Variants in TNFRSF8 observed in about 807,000 individuals in gnomAD.
TNFRSF8 encodes the protein TNF receptor superfamily member 8.
Under a neutral mutation model 70.8 loss-of-function variants are expected in TNFRSF8, and 26 were observed. The ratio of observed to expected loss-of-function variants is 0.37; its 90% confidence interval spans 0.27 to 0.51. The LOEUF is 0.51. Ranked by LOEUF, TNFRSF8 falls within the 20% of genes least tolerant of loss-of-function variation. The pLI is 0.94. For missense variants in TNFRSF8, 720 were observed against 807.9 expected (o/e 0.89, Z 1.32); for synonymous variants, 356 against 339.2 (o/e 1.05, Z -0.54).
chr1:12,063,497 C>T lies in TNFRSF8; in HGVS notation c.-102C>T. ...AGTGTGCTGGAGCCTGAAGTCCACG[C>T]GCGCGGCTGAGAACCGCCGGGACCG... On this transcript the variant is annotated 5_prime_UTR_variant, in exon 1 of 15. Transcript: ENST00000263932. This position sits in a 1 kb window ranked among gnomAD's most constrained non-coding sequence, Gnocchi z 7.2. The T allele has an allele frequency of 1.9e-6, 2 of 1,077,856 alleles. No homozygotes were observed. Among genetic ancestry groups the T allele is most frequent in the African/African-American group, 1.6e-5 (1 of 60,832 alleles). The allele number at this position is 1,077,856 out of a possible 1,614,324, so 66.8% of individuals were successfully genotyped here. A position where few individuals can be genotyped will look rare whatever the true frequency, so the allele number is the denominator to read the frequency against.
rs2230622 is a variant in TNFRSF8 at position 12,104,380 on chromosome 1, C to T, written c.270C>T (p.Asp90=). Residue 90 remains aspartate, a splice_region_variant and synonymous_variant, in exon 4 of 15, where the codon GAC becomes GAT. Coordinates refer to ENST00000263932, the MANE Select transcript of TNFRSF8 (RefSeq NM_001243.5). ...RCTACVTCSR[D]DLVEKTPCAW... ...GTGACCCCTGTCTGTGTCCCTTAGA[C>T]GACCTCGTGGAGAAGACGCCGTGTG... 0.25 allele frequency: 410,348 copies of T among 1,613,362 alleles called. 54,645 individuals are homozygous for T. The highest frequency in any genetic ancestry group is 0.39 in the Admixed American group (23,207 of 59,946).
In TNFRSF8 at chr1:12,138,770, G is replaced by A. The variant is rs766765619; in HGVS notation, c.1543+334G>A. Among the ~76,000 whole-genome samples the A allele has an allele frequency of 5.3e-5, 8 of 152,212 alleles. No individual in the cohort carries two copies. Among genetic ancestry groups the A allele is most frequent in the Non-Finnish European group, 7.3e-5 (5 of 68,032 alleles). Reference sequence around the variant, plus strand: ...TCACAGGACCTGCCACTTGTCTGGCGCATTCCGGGCACTGTGTAGGTGCCA... The same window carrying A: ...TCACAGGACCTGCCACTTGTCTGGCACATTCCGGGCACTGTGTAGGTGCCA... On this transcript the variant is annotated intron_variant, in intron 14 of 14. Coordinates refer to ENST00000263932, the MANE Select transcript of TNFRSF8 (RefSeq NM_001243.5). This position sits in a 1 kb window ranked among gnomAD's most constrained non-coding sequence, Gnocchi z 5.7.
chr1:12,080,338 C>A, intron 1 of TNFRSF8: 1 of 524,214 alleles, frequency 1.9e-6, no homozygotes, highest in South Asian at 1.4e-5. Flanking sequence ...CCGGCCGAAT[C>A]AGGGTGCTGA....
chr1:12,068,759 T>C (rs1395046557), intron 1 of TNFRSF8, among the ~76,000 whole-genome samples: 1 of 152,212 alleles, frequency 6.6e-6, no homozygotes, highest in African/African-American at 2.4e-5. Flanking sequence ...AGCCTCTGCC[T>C]GTATGCCCCC....
At chr1:12,087,112 TCC>T in intron 2 of TNFRSF8, among the ~76,000 whole-genome samples, 1 of 135,692 alleles carries the variant, frequency 7.4e-6, no homozygotes, top group South Asian at 2.5e-4. Flanking sequence ...CATCCATCCA[TCC>T]ATCCATCCAT....
chr1:12,078,910 A>G (rs556424493), intron 1 of TNFRSF8, among the ~76,000 whole-genome samples: 3 of 152,302 alleles, frequency 2.0e-5, no homozygotes, highest in Admixed American at 6.5e-5. Context: ...GCAGATTCCA[A>G]TTAGGGAGGT....
intron 1 of TNFRSF8, among the ~76,000 whole-genome samples, chr1:12,068,923 G>C (rs1281036271): frequency 1.3e-5 from 2 of 151,444 alleles, no homozygotes; most frequent in Non-Finnish European, 2.9e-5. Context: ...CCAGGCTGGA[G>C]TGTAGTGGTG....
chr1:12,114,692 ATCT>A (rs1315187823), intron 7 of TNFRSF8, among the ~76,000 whole-genome samples: 1 of 64,718 alleles, frequency 1.5e-5, no homozygotes, highest in East Asian at 4.2e-4. Flanking sequence ...AGGAAAAAAA[ATCT>A]TTTTTTTTTT....
chr1:12,072,779 G>A (rs1640870089), intron 1 of TNFRSF8, among the ~76,000 whole-genome samples: 1 of 152,210 alleles, frequency 6.6e-6, no homozygotes, highest in Non-Finnish European at 1.5e-5. Context: ...CCTCCACACA[G>A]TTTACTGAAA....
At chr1:12,085,678 G>T (rs1479333703) in intron 2 of TNFRSF8, among the ~76,000 whole-genome samples, 1 of 152,192 alleles carries the variant, frequency 6.6e-6, no homozygotes, top group South Asian at 2.1e-4. Context: ...CCCACCCCCA[G>T]CACCGTGATT....
At chr1:12,118,127 T>C (rs1463952995) in intron 8 of TNFRSF8, among the ~76,000 whole-genome samples, 2 of 152,090 alleles carry the variant, frequency 1.3e-5, no homozygotes, top group African/African-American at 4.8e-5. Flanking sequence ...CCTTTTCTTT[T>C]TGAGACAAAG....
intron 8 of TNFRSF8, 152 bp downstream of exon 8, chr1:12,115,881 T>A: frequency 1.3e-6 from 1 of 746,748 alleles, no homozygotes; most frequent in Non-Finnish European, 2.1e-6. Context: ...ATCCTTTGAG[T>A]AGTCAGACTC....
At chr1:12,128,294 G>A (rs756871950) in intron 12 of TNFRSF8, among the ~76,000 whole-genome samples, 7 of 152,346 alleles carry the variant, frequency 4.6e-5, no homozygotes, top group African/African-American at 1.2e-4. Context: ...GGGAGTGTGC[G>A]CCCCTTGGCC....
At chr1:12,130,771 G>C (rs1642033571) in intron 12 of TNFRSF8, among the ~76,000 whole-genome samples, 2 of 152,234 alleles carry the variant, frequency 1.3e-5, no homozygotes, top group South Asian at 4.1e-4. Context: ...TGTCCCTGGG[G>C]GTACCAGACA....
intron 1 of TNFRSF8, among the ~76,000 whole-genome samples, chr1:12,073,266 A>G (rs1000092118): frequency 6.6e-6 from 1 of 152,236 alleles, no homozygotes; most frequent in Non-Finnish European, 1.5e-5. Flanking sequence ...CTGTCTTAAA[A>G]ACAAACAAAC....
intron 1 of TNFRSF8, among the ~76,000 whole-genome samples, chr1:12,073,902 A>G (rs188625903): frequency 1.1e-4 from 17 of 151,820 alleles, no homozygotes; most frequent in Non-Finnish European, 2.9e-5. Flanking sequence ...AGCCCACTGC[A>G]TTTTTCTTTG....
At chr1:12,115,532 T>G (rs771123475) in intron 7 of TNFRSF8, 45 bp from the exon 8 acceptor site, 6 of 1,612,832 alleles carry the variant, frequency 3.7e-6, no homozygotes, top group Non-Finnish European at 5.1e-6. Context: ...CCCCCTGCCC[T>G]TGCCATACTG....
At chr1:12,131,443 C>G (rs1157966636) in intron 12 of TNFRSF8, among the ~76,000 whole-genome samples, 3 of 152,180 alleles carry the variant, frequency 2.0e-5, no homozygotes, top group African/African-American at 7.2e-5. Context: ...GAGCGAGCCT[C>G]CGTCTCAAAA....
chr1:12,132,837 C>CAA (rs55643235), intron 12 of TNFRSF8, among the ~76,000 whole-genome samples: 1,544 of 73,894 alleles, frequency 0.021, 69 homozygotes, highest in Non-Finnish European at 0.031. Context: ...GACTCCATCT[C>CAA]AAAAAAAAAA....
Sources: allele counts gnomAD v4.1 joint callset (sites outside exome capture counted in the v4.1 genomes callset), GRCh38; gene constraint gnomAD v4.1.1; non-coding constraint Gnocchi (gnomAD v3.1); transcripts MANE v1.5; gene names NCBI Gene and HGNC (gene_info 2026-07-23, HGNC 2026-07-21).